The following RBMS2 variants were observed in gnomAD, a reference collection of about 807,000 sequenced individuals.
The protein encoded by RBMS2 is RNA-binding motif, single-stranded-interacting protein 2.
Under a neutral mutation model 58.4 loss-of-function variants are expected in RBMS2, and 38 were observed. The ratio of observed to expected loss-of-function variants is 0.65; its 90% CI spans 0.50 to 0.85. RBMS2 has a LOEUF of 0.85. RBMS2 is among the 40% of genes least tolerant of loss of function. The probability of loss-of-function intolerance (pLI) is 0.00; values close to 1 mark genes in which losing one functional copy is unlikely to be tolerated. For missense variants in RBMS2, 367 were observed against 503.7 expected (o/e 0.73, Z 2.60); for synonymous variants, 151 against 180.7 (o/e 0.84, Z 1.32).
At chr12:56,560,769 CTTTTA>C (rs1335606671) in intron 1 of RBMS2, among the ~76,000 whole-genome samples, 1 of 152,114 alleles carries the variant, frequency 6.6e-6, no homozygotes, top group South Asian at 2.1e-4. Context: ...ATTTATTTAA[CTTTTA>C]TTTTAAGTTC....
chr12:56,558,728 T>C (rs1879798045), intron 1 of RBMS2, among the ~76,000 whole-genome samples: 1 of 151,650 alleles, frequency 6.6e-6, no homozygotes, highest in African/African-American at 2.4e-5. Flanking sequence ...TGTGAGTATC[T>C]GGGACTACAG....
intron 1 of RBMS2, among the ~76,000 whole-genome samples, chr12:56,529,348 C>T (rs975517312): frequency 6.6e-6 from 1 of 152,062 alleles, no homozygotes; most frequent in Non-Finnish European, 1.5e-5. Context: ...AGCCCAGGAG[C>T]TCTAGACCAG....
intron 1 of RBMS2, among the ~76,000 whole-genome samples, chr12:56,530,108 A>G (rs1192175180): frequency 6.6e-6 from 1 of 151,986 alleles, no homozygotes; most frequent in Non-Finnish European, 1.5e-5. Context: ...GGCTTTTGCT[A>G]TGTTGCTCAG....
chr12:56,538,378 C>T (rs534043219), intron 1 of RBMS2, among the ~76,000 whole-genome samples: 3 of 150,522 alleles, frequency 2.0e-5, no homozygotes, highest in Non-Finnish European at 4.4e-5. Context: ...CTGCAGATTA[C>T]AGGCATGAGC....
rs377478045 is a variant in RBMS2, at chr12:56,566,139, G to A, written c.234-2836G>A. On this transcript the variant is annotated intron_variant, in intron 2 of 13. Transcript: ENST00000262031. ...ATGTGTTCTGTTCCCAGCTTTCAGGGCATTGCTTGGCTTATTCTGTCTAAT... is the reference window on the plus strand; with the variant it reads ...ATGTGTTCTGTTCCCAGCTTTCAGGACATTGCTTGGCTTATTCTGTCTAAT... Among the ~76,000 whole-genome samples the A allele has an allele frequency of 1.7e-4, 26 of 152,280 alleles. 1 individual carries two copies. In the South Asian group the frequency reaches 5.4e-3, roughly 32 times the overall value.
chr12:56,556,468 C>T (rs774789716), intron 1 of RBMS2, among the ~76,000 whole-genome samples: 4 of 151,482 alleles, frequency 2.6e-5, no homozygotes, highest in African/African-American at 9.7e-5. Flanking sequence ...CTCTGCCTCC[C>T]GAGTTCAAGC....
chr12:56,578,176 T>C (rs1433717079), intron 5 of RBMS2, among the ~76,000 whole-genome samples: 1 of 152,086 alleles, frequency 6.6e-6, no homozygotes, highest in Non-Finnish European at 1.5e-5. Context: ...TTGCCCAGGC[T>C]GGATTACAGT....
intron 1 of RBMS2, among the ~76,000 whole-genome samples, chr12:56,549,087 C>A (rs537856560): frequency 6.3e-4 from 96 of 152,282 alleles, no homozygotes; most frequent in East Asian, 3.9e-4. Context: ...CAACCTCCGA[C>A]GCCCAGGTTC....
chr12:56,543,906 G>T lies in RBMS2; in HGVS notation c.67-18511G>T, dbSNP rs143439460. 4.7e-3 allele frequency among the ~76,000 whole-genome samples: 714 copies of T among 150,696 alleles called. 5 individuals are homozygous for T. The highest frequency in any genetic ancestry group is 0.017 in the African/African-American group (684 of 41,156). On this transcript the variant is annotated intron_variant, in intron 1 of 13. Coordinates refer to ENST00000262031, the MANE Select transcript of RBMS2 (RefSeq NM_002898.4). The stretch of plus-strand genomic sequence containing the variant: ...TGGTCTCGAATTCCTGACCTTAAGT[G>T]ATCCGCCCACCTCAGCCTCCCAAAG...
intron 1 of RBMS2, among the ~76,000 whole-genome samples, chr12:56,523,284 T>TGA (rs1022402514): frequency 2.0e-5 from 3 of 152,132 alleles, no homozygotes; most frequent in African/African-American, 7.2e-5. Flanking sequence ...ATGTACAACA[T>TGA]GAGGACTATA....
intron 1 of RBMS2, among the ~76,000 whole-genome samples, chr12:56,530,625 G>A (rs903924675): frequency 6.6e-5 from 10 of 152,100 alleles, no homozygotes; most frequent in African/African-American, 2.4e-4. Context: ...CTCCTAAAGT[G>A]CTGGGATTTC....
chr12:56,560,524 G>A (rs535057390), intron 1 of RBMS2, among the ~76,000 whole-genome samples: 3 of 152,132 alleles, frequency 2.0e-5, no homozygotes, highest in Admixed American at 2.0e-4. Flanking sequence ...AAAGTGCTGG[G>A]ATTACGGGCG....
intron 1 of RBMS2, among the ~76,000 whole-genome samples, chr12:56,541,081 G>A (rs941460718): frequency 2.0e-5 from 3 of 147,572 alleles, no homozygotes; most frequent in Non-Finnish European, 4.5e-5. Flanking sequence ...AGCCTGGGCA[G>A]CAGAGTGAGA....
intron 1 of RBMS2, among the ~76,000 whole-genome samples, chr12:56,552,821 G>A (rs1168831985): frequency 4.6e-5 from 7 of 151,518 alleles, no homozygotes; most frequent in African/African-American, 1.7e-4. Flanking sequence ...CAGCCTGGGT[G>A]ACAGTGCAAG....
intron 7 of RBMS2, 112 bp from the exon 8 acceptor site, chr12:56,581,721 T>C: frequency 7.5e-7 from 1 of 1,331,722 alleles, no homozygotes; most frequent in Admixed American, 1.9e-5. Flanking sequence ...TAGTGGGACT[T>C]GTCTAGGCTT....
Position 56,589,394 on chromosome 12 carries a change from T to C in RBMS2, c.*261T>C. 1 of 968,304 alleles carries C rather than the reference T, an allele frequency of 1.0e-6. No homozygotes were observed. Among genetic ancestry groups the C allele is most frequent in the South Asian group, 2.2e-5 (1 of 45,716 alleles). The allele number at this position is 968,304 out of a possible 1,614,324, so 60.0% of individuals were successfully genotyped here. ...TTCAAGGAGATCAAAAAAACTTTTC[T>C]TCTTTTGCAAAGAAAGCTTTTTGTT... On this transcript the variant is annotated 3_prime_UTR_variant, in exon 14 of 14. Transcript: ENST00000262031.
At chr12:56,537,062 G>A (rs1487008284) in intron 1 of RBMS2, among the ~76,000 whole-genome samples, 13 of 151,332 alleles carry the variant, frequency 8.6e-5, no homozygotes, top group Admixed American at 7.9e-4. Context: ...CTGGGATTAC[G>A]GGCACCTGCC....
chr12:56,581,094 C>T (rs1451251751), intron 5 of RBMS2, 90 bp from the exon 6 acceptor site: 1 of 1,072,294 alleles, frequency 9.3e-7, no homozygotes, highest in Non-Finnish European at 1.4e-6. Flanking sequence ...AGTTGTGGGG[C>T]TGGGAACTTA....
intron 1 of RBMS2, among the ~76,000 whole-genome samples, chr12:56,554,618 A>G (rs1201709759): frequency 2.0e-5 from 3 of 152,162 alleles, no homozygotes; most frequent in Non-Finnish European, 4.4e-5. Flanking sequence ...ATCAAGATAA[A>G]TAGCTAATGC....
Sources: allele counts gnomAD v4.1 joint callset (sites outside exome capture counted in the v4.1 genomes callset), GRCh38; gene constraint gnomAD v4.1.1; transcripts MANE v1.5; gene names NCBI Gene and HGNC (gene_info 2026-07-23, HGNC 2026-07-21).